Variants in VANGL1 observed in about 807,000 individuals in gnomAD.
The protein encoded by VANGL1 is vang-like protein 1.
A neutral mutation model predicts 48.4 loss-of-function variants in VANGL1; 18 were observed. That is an observed-to-expected ratio of 0.37 (90% CI 0.26 to 0.55). VANGL1 has a LOEUF of 0.55. Ranked by LOEUF, VANGL1 falls within the 20% of genes least tolerant of loss-of-function variation. The pLI, the probability that VANGL1 is intolerant of heterozygous loss-of-function variation, is 0.81. For missense variants in VANGL1, 667 were observed against 675.8 expected, an observed-to-expected ratio of 0.99 and a Z score of 0.14; for synonymous variants, 257 against 261.8, an observed-to-expected ratio of 0.98 and a Z score of 0.18.
chr1:115,683,375 A>G (rs1333015234), intron 5 of VANGL1, among the ~76,000 whole-genome samples: 9 of 152,178 alleles, frequency 5.9e-5, no homozygotes, highest in Admixed American at 4.6e-4. Flanking sequence ...CTGAGTCTGT[A>G]TTCATTAACG....
At chr1:115,661,709 C>T (rs1352291914) in intron 3 of VANGL1, among the ~76,000 whole-genome samples, 1 of 152,038 alleles carries the variant, frequency 6.6e-6, no homozygotes, top group African/African-American at 2.4e-5. Context: ...CCTCTACCTC[C>T]CGGGTTCAAG....
At chr1:115,647,599 A>G (rs191613218) in intron 1 of VANGL1, among the ~76,000 whole-genome samples, 30 of 152,330 alleles carry the variant, frequency 2.0e-4, no homozygotes, top group Admixed American at 1.6e-3. Flanking sequence ...TAGAAACGGT[A>G]TGACTTAGAA....
intron 3 of VANGL1, among the ~76,000 whole-genome samples, chr1:115,661,648 T>C (rs1045232312): frequency 2.6e-5 from 4 of 152,058 alleles, no homozygotes; most frequent in African/African-American, 9.7e-5. Context: ...GGCAGAGTCT[T>C]GTTCTGTCGC....
intron 1 of VANGL1, among the ~76,000 whole-genome samples, chr1:115,644,193 A>C (rs1339738554): frequency 1.3e-5 from 2 of 152,244 alleles, no homozygotes; most frequent in Non-Finnish European, 1.5e-5. Flanking sequence ...TTCTGGAGTT[A>C]GACTCTCAAC....
In VANGL1 at chr1:115,693,846, T is replaced by C. The variant is rs1183487789; in HGVS notation, c.*2467T>C. 6.6e-6 allele frequency: 1 copy of C among 152,222 alleles called. No individual in the cohort carries two copies. The highest frequency in any genetic ancestry group is 1.5e-5 in the Non-Finnish European group (1 of 68,038). 9.4% of individuals were successfully genotyped at this position (152,222 alleles called of 1,614,324 possible). On this transcript the variant is annotated 3_prime_UTR_variant, in exon 8 of 8. Coordinates refer to ENST00000355485, the MANE Select transcript of VANGL1 (RefSeq NM_138959.3). ...ATTCTTGGAACTGGTAGGCTATTCTTTTTAAAAGGGGGTAAACTTCGCCCT... is the reference window on the plus strand; with the variant it reads ...ATTCTTGGAACTGGTAGGCTATTCTCTTTAAAAGGGGGTAAACTTCGCCCT...
At chr1:115,658,057 A>C (rs552739563) in intron 2 of VANGL1, among the ~76,000 whole-genome samples, 1 of 152,306 alleles carries the variant, frequency 6.6e-6, no homozygotes, top group South Asian at 2.1e-4. Flanking sequence ...TGGGGATTAC[A>C]ATTGAGCATG....
At chr1:115,675,952 G>T (rs1653145451) in intron 4 of VANGL1, among the ~76,000 whole-genome samples, 1 of 152,100 alleles carries the variant, frequency 6.6e-6, no homozygotes, top group African/African-American at 2.4e-5. Context: ...ATGGGGTCAT[G>T]CTTTTGTGGC....
At chr1:115,647,235 G>T (rs1651975158) in intron 1 of VANGL1, among the ~76,000 whole-genome samples, 1 of 152,192 alleles carries the variant, frequency 6.6e-6, no homozygotes, top group Non-Finnish European at 1.5e-5. Flanking sequence ...GGTTCTAGGA[G>T]CCATATTCCC....
At position 115,690,240 on chromosome 1, in the gene VANGL1, G is replaced by A. The variant is rs551202143; in HGVS notation, c.1315-879G>A. On this transcript the variant is annotated intron_variant, in intron 7 of 7. Coordinates refer to ENST00000355485, the MANE Select transcript of VANGL1 (RefSeq NM_138959.3). The stretch of plus-strand genomic sequence containing the variant: ...TCACTTTGAAAGTAAAGGGTCACAC[G>A]AGAGTCAGTGATTACAGGAGCCTGA... Among the ~76,000 whole-genome samples the A allele has an allele frequency of 7.9e-5, 12 of 152,322 alleles. 1 individual carries two copies. Among genetic ancestry groups the A allele is most frequent in the African/African-American group, 2.9e-4 (12 of 41,566 alleles).
chr1:115,655,485 A>G (rs1472925110), intron 2 of VANGL1, among the ~76,000 whole-genome samples: 2 of 152,276 alleles, frequency 1.3e-5, no homozygotes, highest in Non-Finnish European at 1.5e-5. Flanking sequence ...CCCCTCACAC[A>G]ACACGCACAG....
In VANGL1 at chr1:115,651,261, T is replaced by C. The variant is rs75153165; in HGVS notation, c.-137-16T>C. 5.0e-5 allele frequency: 33 copies of C among 662,046 alleles called. No individual in the cohort carries two copies. Among genetic ancestry groups the C allele is most frequent in the African/African-American group, 2.0e-4 (11 of 53,806 alleles). 41.0% of individuals were successfully genotyped at this position (662,046 alleles called of 1,614,324 possible). On this transcript the variant is annotated splice_polypyrimidine_tract_variant and intron_variant, in intron 1 of 7. Transcript: ENST00000355485. Reference sequence around the variant, plus strand: ...CTCTGAAGATTAATGTCTTTTTTTTTCCCCCTCTTTCCCAGAATTTGTTCC... The same window carrying C: ...CTCTGAAGATTAATGTCTTTTTTTTCCCCCCTCTTTCCCAGAATTTGTTCC...
At chr1:115,667,067 A>C (rs1249549999) in intron 4 of VANGL1, among the ~76,000 whole-genome samples, 1 of 152,226 alleles carries the variant, frequency 6.6e-6, no homozygotes, top group African/African-American at 2.4e-5. Context: ...AGCCTCGGAA[A>C]TCAGAATAGC....
intron 3 of VANGL1, among the ~76,000 whole-genome samples, chr1:115,663,454 A>G (rs1652644580): frequency 6.6e-6 from 1 of 152,238 alleles, no homozygotes; most frequent in Non-Finnish European, 1.5e-5. Flanking sequence ...CTCTGTTTGA[A>G]AAGGTAAATA....
chr1:115,657,902 A>T (rs1287919038), intron 2 of VANGL1, among the ~76,000 whole-genome samples: 1 of 152,178 alleles, frequency 6.6e-6, no homozygotes, highest in Non-Finnish European at 1.5e-5. Flanking sequence ...CGGGAGCAAG[A>T]GAGACAGTTG....
intron 2 of VANGL1, among the ~76,000 whole-genome samples, chr1:115,651,726 C>T (rs753654271): frequency 2.6e-5 from 4 of 152,010 alleles, no homozygotes; most frequent in Non-Finnish European, 4.4e-5. Flanking sequence ...AAAGTTTCTT[C>T]CTGCAGTGGA....
intron 4 of VANGL1, among the ~76,000 whole-genome samples, chr1:115,680,205 C>A (rs1653334075): frequency 6.6e-6 from 1 of 152,118 alleles, no homozygotes; most frequent in African/African-American, 2.4e-5. Context: ...GACTAGACTT[C>A]TGCAGGAAGA....
At position 115,690,564 on chromosome 1, in the gene VANGL1, G is replaced by A. The variant is rs116921550; in HGVS notation, c.1315-555G>A. 2.8e-3 allele frequency among the ~76,000 whole-genome samples: 427 copies of A among 152,308 alleles called. 12 individuals are homozygous for A. The East Asian group carries it at 0.054, about 19-fold the overall frequency. ...TGAGAGCTAACACTTTCATCCTTAC[G>A]GCAGCCCTGTGACTTAGGTAGTGTC... On this transcript the variant is annotated intron_variant, in intron 7 of 7. Transcript: ENST00000355485.
chr1:115,657,883 T>C (rs1441111378), intron 2 of VANGL1, among the ~76,000 whole-genome samples: 1 of 152,084 alleles, frequency 6.6e-6, no homozygotes, highest in African/African-American at 2.4e-5. Context: ...GCACATCACA[T>C]GGTGAAAGCG....
intron 4 of VANGL1, among the ~76,000 whole-genome samples, chr1:115,669,142 T>C (rs17500488): frequency 0.083 from 12,651 of 152,190 alleles, 542 homozygotes; most frequent in East Asian, 0.15. Context: ...AGTGCTGCTT[T>C]AAGGAGGTAT....
Sources: gnomAD v4.1 joint callset for allele counts (sites outside exome capture counted in the v4.1 genomes callset) on GRCh38, gnomAD v4.1.1 for gene constraint, MANE v1.5 for transcripts, NCBI Gene and HGNC (gene_info 2026-07-23, HGNC 2026-07-21) for gene names.